Variants in ZNF493 observed in about 807,000 individuals in gnomAD.
The protein encoded by ZNF493 is zinc finger protein 493.
A neutral mutation model predicts 12.2 loss-of-function variants in ZNF493; 11 were observed. That is an observed-to-expected ratio of 0.90 (90% confidence interval 0.57 to 1.50). ZNF493 has a LOEUF of 1.50. ZNF493 is among the 40% of genes most tolerant of loss of function. The pLI is 0.00. For synonymous variants in ZNF493, 286 were observed against 302.6 expected, an observed-to-expected ratio of 0.95 and a Z score of 0.57; for missense variants, 950 against 906.6, an observed-to-expected ratio of 1.05 and a Z score of -0.61.
chr19:21,420,086 C>T (rs2030610615), intron 3 of ZNF493, among the ~76,000 whole-genome samples: 1 of 148,768 alleles, frequency 6.7e-6, no homozygotes, highest in Admixed American at 6.7e-5. Context: ...AGACTTCTGG[C>T]TTATCTCAAC....
rs777599792 is a variant in ZNF493 at position 21,397,334 on chromosome 19, T to A, written c.30+67T>A. 15 of 1,594,596 alleles carry A rather than the reference T, an allele frequency of 9.4e-6. No homozygotes were observed. In the East Asian group the frequency reaches 3.1e-4, roughly 33 times the overall value. On this transcript the variant is annotated intron_variant, in intron 1 of 3. Transcript: ENST00000392288. ...TTGCTCGGAACCGGTGGGAAGTGGC[T>A]GTGGCGGGACTCAGGCCTCCCCGCA... is the stretch of plus-strand genomic sequence containing the variant.
At chr19:21,412,295 A>G (rs774696134) in intron 3 of ZNF493, 8 of 152,270 alleles carry the variant, frequency 5.3e-5, no homozygotes, top group Non-Finnish European at 1.2e-4. Context: ...CAGCAGGAGC[A>G]TGTCCTTAAG....
At position 21,400,693 on chromosome 19, in the gene ZNF493, A is replaced by G. The variant is rs77627909; in HGVS notation, c.30+3426A>G. 8.5e-3 allele frequency among the ~76,000 whole-genome samples: 1,290 copies of G among 152,266 alleles called. 19 individuals carry two copies. The highest frequency in any genetic ancestry group is 0.028 in the African/African-American group (1,168 of 41,528). Reference sequence around the variant, plus strand: ...AGAAGCCTTTCTGCTGACAGAAGCTACAGAGTCCTGGAAAGCTACAGGCAG... The same window carrying G: ...AGAAGCCTTTCTGCTGACAGAAGCTGCAGAGTCCTGGAAAGCTACAGGCAG... On this transcript the variant is annotated intron_variant, in intron 1 of 3. Transcript: ENST00000392288.
intron 3 of ZNF493, among the ~76,000 whole-genome samples, chr19:21,409,986 C>G (rs1370157872): frequency 6.7e-6 from 1 of 149,944 alleles, no homozygotes; most frequent in Non-Finnish European, 1.5e-5. Context: ...ATATAGGTGA[C>G]ATAATATTTG....
In ZNF493 at chr19:21,424,744, C is replaced by G. The variant is rs1568384758; in HGVS notation, c.2085C>G (p.Tyr695Ter). The change falls in exon 4 of 4, where the codon TAC (tyrosine) becomes TAG (stop). Residue 695 changes from tyrosine (Y) to a stop codon, truncating the protein, a stop_gained. Coordinates refer to ENST00000392288, the MANE Select transcript of ZNF493 (RefSeq NM_001076678.3). LOFTEE classifies it low-confidence loss of function (END_TRUNC). ...GTGAAAAATGTGGCAAAACTTTCTA[C>G]CGATTCTCAAACCTTAATACGCATA... ...YKCEKCGKTF[Y>*]RFSNLNTHKI... The G allele has an allele frequency of 1.9e-6, 3 of 1,612,346 alleles. No homozygotes were observed. Among genetic ancestry groups the G allele is most frequent in the Non-Finnish European group, 2.5e-6 (3 of 1,179,356 alleles).
chr19:21,424,569 C>G lies in ZNF493; in HGVS notation c.1910C>G (p.Ala637Gly). The G allele has an allele frequency of 6.2e-7, 1 of 1,613,426 alleles. No homozygotes were observed. Among genetic ancestry groups the G allele is most frequent in the South Asian group, 1.1e-5 (1 of 91,052 alleles). The change falls in exon 4 of 4, where the codon GCT (alanine) becomes GGT (glycine). Residue 637 changes from alanine (A) to glycine (G), a missense_variant. Ala to Gly is a moderately conservative substitution (Grantham distance 60, BLOSUM62 0). Transcript: ENST00000392288. ...TACAAATGTGAAGAATGTGGCAAAG[C>G]TTTTAAGCGGTCCTCACACCTCGCT... ...KPYKCEECGKAFKRSSHLAGH... is the reference protein window; with the variant it reads ...KPYKCEECGKGFKRSSHLAGH...
chr19:21,408,716 T>C (rs2030219517), intron 3 of ZNF493: 1 of 985,182 alleles, frequency 1.0e-6, no homozygotes, highest in Non-Finnish European at 1.2e-6. Flanking sequence ...TTATGTATTA[T>C]AATTTTAGTC....
chr19:21,416,503 G>T (rs11666525), intron 3 of ZNF493, among the ~76,000 whole-genome samples: 21,432 of 152,128 alleles, frequency 0.14, 1,977 homozygotes, highest in Non-Finnish European at 0.21. Flanking sequence ...AAATTGAGTG[G>T]GTTGAATTGG....
rs976947646 is a variant in ZNF493 at position 21,405,516 on chromosome 19, ATTG to A, written c.158-240_158-238del. 23 of 1,329,986 alleles carry A rather than the reference ATTG, an allele frequency of 1.7e-5. No homozygotes were observed. In the Admixed American group the frequency reaches 2.4e-4, roughly 14 times the overall value. 82.4% of individuals were successfully genotyped at this position (1,329,986 alleles called of 1,614,324 possible). A position where few individuals can be genotyped will look rare whatever the true frequency, so the allele number is the denominator to read the frequency against. Reference sequence around the variant, plus strand: ...TTTCAGAAATTTAGTAGTATAAAATATTGTTGTCCATATGTTAAAATCTATATG... The same window carrying A: ...TTTCAGAAATTTAGTAGTATAAAATATTGTCCATATGTTAAAATCTATATG... On this transcript the variant is annotated intron_variant, in intron 2 of 3. Coordinates refer to ENST00000392288, the MANE Select transcript of ZNF493 (RefSeq NM_001076678.3).
intron 3 of ZNF493, among the ~76,000 whole-genome samples, chr19:21,421,525 C>G (rs2030678525): frequency 6.6e-6 from 1 of 152,022 alleles, no homozygotes; most frequent in African/African-American, 2.4e-5. Context: ...GCCACCATGC[C>G]AGACTAATTT....
rs200439759 is a variant in ZNF493 at position 21,423,317 on chromosome 19, A to G, written c.658A>G (p.Ile220Val). The G allele has an allele frequency of 1.3e-5, 21 of 1,613,682 alleles. No homozygotes were observed. In the South Asian group the frequency reaches 1.5e-4, roughly 12 times the overall value. ...ATGTGAAGAATGTGGCAAAGCCTTT[A>G]TCTGGTTTTCAACCCTTACTAGACA... ...YRCEECGKAFIWFSTLTRHRR... is the reference protein window; with the variant it reads ...YRCEECGKAFVWFSTLTRHRR... Residue 220 changes from isoleucine to valine, a missense_variant, in exon 4 of 4, where the codon ATC becomes GTC. Transcript: ENST00000392288.
chr19:21,416,559 T>A (rs1231118370), intron 3 of ZNF493, among the ~76,000 whole-genome samples: 1 of 152,308 alleles, frequency 6.6e-6, no homozygotes, highest in East Asian at 1.9e-4. Flanking sequence ...AAATGTTGAC[T>A]CCTGTATCTA....
chr19:21,406,397 C>G (rs1372482405), intron 3 of ZNF493, among the ~76,000 whole-genome samples: 1 of 151,216 alleles, frequency 6.6e-6, no homozygotes, highest in Non-Finnish European at 1.5e-5. Context: ...CTGTCTTATG[C>G]TTTTAAATTC....
In ZNF493 at chr19:21,426,489, GTATT is replaced by G. The variant is rs1173548046; in HGVS notation, c.*1509_*1512del. The stretch of plus-strand genomic sequence containing the variant: ...ATATTATCCTTTAAAGTGAAGGAGA[GTATT>G]TATATTAAAGATGAACATTACAACC... On this transcript the variant is annotated 3_prime_UTR_variant, in exon 4 of 4. Coordinates refer to ENST00000392288, the MANE Select transcript of ZNF493 (RefSeq NM_001076678.3). 6.0e-6 allele frequency: 1 copy of G among 167,272 alleles called. No homozygotes were observed. The highest frequency in any genetic ancestry group is 6.5e-5 in the Admixed American group (1 of 15,286). The allele number at this position is 167,272 out of a possible 1,614,324, so 10.4% of individuals were successfully genotyped here.
chr19:21,408,820 A>G lies in ZNF493; in HGVS notation c.253+2964A>G, dbSNP rs150360852. On this transcript the variant is annotated intron_variant, in intron 3 of 3. Coordinates refer to ENST00000392288, the MANE Select transcript of ZNF493 (RefSeq NM_001076678.3). ...CACAATCATATATGTGTGTGTGTTT[A>G]TCTATAAATATGACCCCAATATTGG... 9.8e-4 allele frequency: 955 copies of G among 978,048 alleles called. 11 individuals carry two copies. The African/African-American group carries it at 0.016, about 16-fold the overall frequency. The allele number at this position is 978,048 out of a possible 1,614,324, so 60.6% of individuals were successfully genotyped here.
intron 3 of ZNF493, chr19:21,407,582 C>T (rs976540472): frequency 4.1e-6 from 4 of 974,748 alleles, no homozygotes; most frequent in Non-Finnish European, 4.9e-6. Context: ...AGCCACCATG[C>T]CCAGCCTAAT....
chr19:21,397,595 G>C, intron 1 of ZNF493: 1 of 530,698 alleles, frequency 1.9e-6, no homozygotes, highest in Non-Finnish European at 3.3e-6. Flanking sequence ...CCTGACTTGG[G>C]GTGCGGGTTC....
chr19:21,410,803 G>GT (rs1181998775), intron 3 of ZNF493, among the ~76,000 whole-genome samples: 3 of 151,294 alleles, frequency 2.0e-5, no homozygotes, highest in Non-Finnish European at 4.4e-5. Context: ...TTTTGTTTTT[G>GT]TTTTTTGAGA....
In ZNF493 at chr19:21,426,018, A is replaced by G. The variant is rs755714211; in HGVS notation, c.*1034A>G. 7.8e-5 allele frequency: 42 copies of G among 538,324 alleles called. 1 individual carries two copies. Among genetic ancestry groups the G allele is most frequent in the Non-Finnish European group, 1.3e-4 (37 of 291,742 alleles). The allele number at this position is 538,324 out of a possible 1,614,324, so 33.3% of individuals were successfully genotyped here. A position where few individuals can be genotyped will look rare whatever the true frequency, so the allele number is the denominator to read the frequency against. On this transcript the variant is annotated 3_prime_UTR_variant, in exon 4 of 4. Coordinates refer to ENST00000392288, the MANE Select transcript of ZNF493 (RefSeq NM_001076678.3). ...AAAATTCATACTGGAGAGAAACCCT[A>G]TGATTGTGAAAAATATGGCAAAGGC...
Sources: allele counts gnomAD v4.1 joint callset (sites outside exome capture counted in the v4.1 genomes callset), GRCh38; gene constraint gnomAD v4.1.1; transcripts MANE v1.5; gene names NCBI Gene and HGNC (gene_info 2026-07-23, HGNC 2026-07-21).